TSHR: variants seen among roughly 807,000 people sequenced by gnomAD.
TSHR encodes the protein thyrotropin receptor.
TSHR carries 51 observed loss-of-function variants against 64.1 expected under a neutral mutation model. The observed-to-expected ratio is 0.80, with a 90% CI of 0.64 to 1.01. The LOEUF is 1.01. Among genes scored for constraint, TSHR ranks in the 50% least tolerant of loss-of-function variants. The probability of loss-of-function intolerance (pLI) is 0.00; values close to 1 mark genes in which losing one functional copy is unlikely to be tolerated. For missense variants in TSHR, 877 were observed against 942.8 expected, an observed-to-expected ratio of 0.93 and a Z score of 0.91; for synonymous variants, 361 against 361.9, an observed-to-expected ratio of 1.00 and a Z score of 0.03.
chr14:81,125,173 G>A (rs1890965592), intron 8 of TSHR, among the ~76,000 whole-genome samples: 1 of 152,170 alleles, frequency 6.6e-6, no homozygotes, highest in South Asian at 2.1e-4. Flanking sequence ...TTCTAGTTAG[G>A]GTGATCAGCA....
At chr14:81,083,032 A>G (rs114141239) in intron 3 of TSHR, among the ~76,000 whole-genome samples, 32,640 of 151,392 alleles carry the variant, frequency 0.22, 4,710 homozygotes, top group African/African-American at 0.42. Flanking sequence ...GTGGTTGGAA[A>G]AAAAAAAAGT....
intron 1 of TSHR, among the ~76,000 whole-genome samples, chr14:80,983,901 C>T (rs11850795): frequency 0.057 from 8,705 of 152,188 alleles, 806 homozygotes; most frequent in African/African-American, 0.2. Context: ...TTTAAGAAAG[C>T]GAACGAGTTC....
chr14:81,101,928 T>G (rs761348653), intron 7 of TSHR, among the ~76,000 whole-genome samples: 1 of 151,982 alleles, frequency 6.6e-6, no homozygotes, highest in Non-Finnish European at 1.5e-5. Flanking sequence ...TCCCAGCACT[T>G]TGGGAGGCTG....
In TSHR at chr14:81,139,715, C is replaced by A; in HGVS notation, c.729C>A (p.Ser243=). The A allele has an allele frequency of 6.2e-7, 1 of 1,614,170 alleles. No individual in the cohort carries two copies. Among genetic ancestry groups the A allele is most frequent in the Non-Finnish European group, 8.5e-7 (1 of 1,180,030 alleles). ...AAACCAGTGTCACTGCCCTTCCATC[C>A]AAAGGCCTGGAGCACCTGAAGGAAC... is the stretch of plus-strand genomic sequence containing the variant. The part of the protein sequence containing the change: ...VSQTSVTALP[S]KGLEHLKELI... The change falls in exon 9 of 10, where the codon TCC becomes TCA. Residue 243 remains serine (S), a synonymous_variant. Coordinates refer to ENST00000298171, the MANE Select transcript of TSHR (RefSeq NM_000369.5).
intron 1 of TSHR, among the ~76,000 whole-genome samples, chr14:81,040,303 C>CA (rs1261524004): frequency 1.3e-5 from 2 of 151,858 alleles, no homozygotes; most frequent in African/African-American, 2.4e-5. Context: ...TCATCATATA[C>CA]AAAAAATCAA....
At position 81,143,873 on chromosome 14, in the gene TSHR, C is replaced by T. The variant is rs1447009425; in HGVS notation, c.1815C>T (p.Tyr605=). 6.2e-7 allele frequency: 1 copy of T among 1,614,130 alleles called. No individual in the cohort carries two copies. Among genetic ancestry groups the T allele is most frequent in the Non-Finnish European group, 8.5e-7 (1 of 1,180,032 alleles). The change falls in exon 10 of 10, where the codon TAC becomes TAT. Residue 605 remains tyrosine (Y), a synonymous_variant. Transcript: ENST00000298171. The part of the protein sequence containing the change: ...VIVCCCYVKI[Y]ITVRNPQYNP... Reference sequence around the variant, plus strand: ...TCTGCTGCTGTTATGTGAAGATCTACATCACAGTCCGAAATCCGCAGTACA... The same window carrying T: ...TCTGCTGCTGTTATGTGAAGATCTATATCACAGTCCGAAATCCGCAGTACA...
chr14:81,033,561 T>C (rs1167997306), intron 1 of TSHR, among the ~76,000 whole-genome samples: 3 of 151,908 alleles, frequency 2.0e-5, no homozygotes, highest in African/African-American at 7.2e-5. Context: ...ATCAGGGTTT[T>C]TTTTTTTTTC....
intron 1 of TSHR, chr14:80,994,906 A>G (rs1888930366): frequency 6.6e-6 from 1 of 151,880 alleles, no homozygotes; most frequent in Non-Finnish European, 1.5e-5. Flanking sequence ...AATGTGCTTC[A>G]ATTTACTTTG....
chr14:81,064,181 A>G (rs1327160654), intron 2 of TSHR, among the ~76,000 whole-genome samples: 1 of 152,128 alleles, frequency 6.6e-6, no homozygotes, highest in Non-Finnish European at 1.5e-5. Context: ...GCAAGGCTGT[A>G]GGCAGGAAGC....
intron 4 of TSHR, among the ~76,000 whole-genome samples, chr14:81,088,986 CTTTT>C (rs60086198): frequency 4.8e-5 from 6 of 125,690 alleles, no homozygotes; most frequent in African/African-American, 2.9e-5. Flanking sequence ...AAAATAGTTG[CTTTT>C]TTTTTTTTTT....
At chr14:81,065,259 C>A (rs1242098563) in intron 2 of TSHR, among the ~76,000 whole-genome samples, 1 of 152,084 alleles carries the variant, frequency 6.6e-6, no homozygotes, top group Admixed American at 6.6e-5. Context: ...GTTGAAGGTT[C>A]TGCTAGGGAG....
At chr14:80,996,783 G>C (rs1034350566) in intron 1 of TSHR, among the ~76,000 whole-genome samples, 25 of 151,994 alleles carry the variant, frequency 1.6e-4, no homozygotes, top group Non-Finnish European at 1.3e-4. Context: ...AGGTGGGTGC[G>C]GATGGTGGGA....
intron 3 of TSHR, among the ~76,000 whole-genome samples, chr14:81,084,423 G>C (rs921610823): frequency 2.6e-5 from 4 of 151,916 alleles, no homozygotes; most frequent in African/African-American, 9.7e-5. Context: ...CTATCTGCTA[G>C]ATGTGACCAC....
At chr14:81,060,767 G>T (rs1309629682) in intron 1 of TSHR, among the ~76,000 whole-genome samples, 1 of 152,142 alleles carries the variant, frequency 6.6e-6, no homozygotes, top group Non-Finnish European at 1.5e-5. Context: ...GATTACCAGT[G>T]TGATTAAATG....
intron 4 of TSHR, among the ~76,000 whole-genome samples, chr14:81,088,742 TA>T (rs1333596135): frequency 1.3e-5 from 2 of 152,002 alleles, no homozygotes; most frequent in Non-Finnish European, 2.9e-5. Flanking sequence ...AGAAAATTGT[TA>T]AAAAAAACTT....
At chr14:81,101,365 T>C (rs569658387) in intron 7 of TSHR, among the ~76,000 whole-genome samples, 20 of 152,158 alleles carry the variant, frequency 1.3e-4, no homozygotes, top group African/African-American at 4.8e-4. Context: ...CCAGATAGGG[T>C]CTTGAAAACT....
chr14:81,114,649 A>C (rs904385580), intron 8 of TSHR, among the ~76,000 whole-genome samples: 5 of 152,178 alleles, frequency 3.3e-5, no homozygotes, highest in Admixed American at 1.3e-4. Context: ...ACAAAGCAGC[A>C]GGGAAGCTCG....
At chr14:81,115,750 G>T (rs1456083326) in intron 8 of TSHR, among the ~76,000 whole-genome samples, 2 of 152,024 alleles carry the variant, frequency 1.3e-5, no homozygotes, top group Non-Finnish European at 2.9e-5. Flanking sequence ...AAGTTGAAAT[G>T]AAGGAAAAAA....
chr14:81,134,874 A>C (rs1891393347), intron 8 of TSHR, among the ~76,000 whole-genome samples: 1 of 152,220 alleles, frequency 6.6e-6, no homozygotes, highest in Admixed American at 6.5e-5. Flanking sequence ...CCATTATAAT[A>C]AATGGAAAAA....
Sources: gnomAD v4.1 joint callset for allele counts (sites outside exome capture counted in the v4.1 genomes callset) on GRCh38, gnomAD v4.1.1 for gene constraint, MANE v1.5 for transcripts, NCBI Gene and HGNC (gene_info 2026-07-23, HGNC 2026-07-21) for gene names.